Variants in TTC34 observed in about 807,000 individuals in gnomAD.
TTC34 encodes tetratricopeptide repeat domain 34, also known as tetratricopeptide repeat protein 34.
Under a neutral mutation model 40.7 loss-of-function variants are expected in TTC34, and 44 were observed. That is an observed-to-expected ratio of 1.08 (90% CI 0.85 to 1.39). The LOEUF (loss-of-function observed/expected upper bound fraction) is 1.39. TTC34 is among the 40% of genes most tolerant of loss of function. The probability of loss-of-function intolerance (pLI) is 0.00; values close to 1 mark genes in which losing one functional copy is unlikely to be tolerated. For missense variants in TTC34, 884 were observed against 838.0 expected, an observed-to-expected ratio of 1.05 and a Z score of -0.68; for synonymous variants, 422 against 398.6, an observed-to-expected ratio of 1.06 and a Z score of -0.70.
chr1:2,788,879 G>C (rs1283522840), intron 3 of TTC34, among the ~76,000 whole-genome samples: 1 of 152,178 alleles, frequency 6.6e-6, no homozygotes, highest in Non-Finnish European at 1.5e-5. Context: ...ATCACTTGAG[G>C]TCAGGAGTTC....
intron 3 of TTC34, 117 bp downstream of exon 3, chr1:2,789,386 G>A: frequency 1.9e-6 from 2 of 1,062,334 alleles, no homozygotes; most frequent in South Asian, 3.5e-5. Flanking sequence ...GCTTTGGGAA[G>A]TCACCAGCCA....
chr1:2,686,236 C>T (rs1312494214), intron 6 of TTC34, among the ~76,000 whole-genome samples: 1 of 148,906 alleles, frequency 6.7e-6, no homozygotes, highest in African/African-American at 2.6e-5. Context: ...GAGCAGTGCC[C>T]ACACCCCCAG....
At chr1:2,695,022 A>G (rs558501510) in intron 6 of TTC34, among the ~76,000 whole-genome samples, 1 of 152,064 alleles carries the variant, frequency 6.6e-6, no homozygotes, top group African/African-American at 2.4e-5. Flanking sequence ...AGCCTGGAAC[A>G]GCACCCTGCA....
At chr1:2,780,267 T>C (rs1643461005) in intron 6 of TTC34, among the ~76,000 whole-genome samples, 1 of 152,228 alleles carries the variant, frequency 6.6e-6, no homozygotes, top group Non-Finnish European at 1.5e-5. Flanking sequence ...TATAATAGTG[T>C]CCTTTGGTGC....
At chr1:2,637,184 AC>A (rs1638811500) in exon 9 of TTC34, 2 of 151,932 alleles carry the variant, frequency 1.3e-5, no homozygotes, top group Non-Finnish European at 2.9e-5. Context: ...CAAAGGTACC[AC>A]TCAAAGGTGG....
chr1:2,787,805 G>T, intron 3 of TTC34, 99 bp from the exon 4 acceptor site: 3 of 1,041,982 alleles, frequency 2.9e-6, no homozygotes, highest in Non-Finnish European at 4.1e-6. Context: ...CATGTACCTG[G>T]CCTGGGCAGC....
At chr1:2,690,276 G>C (rs201024562) in intron 6 of TTC34, among the ~76,000 whole-genome samples, 1 of 130,880 alleles carries the variant, frequency 7.6e-6, no homozygotes, top group Non-Finnish European at 1.6e-5. Flanking sequence ...GTGAGCATCC[G>C]ACAGCCTGGA....
chr1:2,773,218 C>T (rs1440054026), intron 6 of TTC34, among the ~76,000 whole-genome samples: 2 of 133,434 alleles, frequency 1.5e-5, no homozygotes, highest in African/African-American at 5.4e-5. Flanking sequence ...GCGCCCACAC[C>T]CCCGGGCGAG....
At chr1:2,685,231 A>T (rs1354063798) in intron 6 of TTC34, among the ~76,000 whole-genome samples, 2 of 47,918 alleles carry the variant, frequency 4.2e-5, no homozygotes, top group Non-Finnish European at 1.0e-4. Flanking sequence ...GTGGAGCAGC[A>T]CCCACACCCC....
At chr1:2,690,065 G>A (rs1345681698) in intron 6 of TTC34, among the ~76,000 whole-genome samples, 1 of 144,868 alleles carries the variant, frequency 6.9e-6, no homozygotes, top group Non-Finnish European at 1.5e-5. Flanking sequence ...ACACCGCCAG[G>A]CGAGCATCTG....
intron 5 of TTC34, among the ~76,000 whole-genome samples, chr1:2,785,144 A>G (rs1327900451): frequency 6.6e-6 from 1 of 152,204 alleles, no homozygotes; most frequent in Non-Finnish European, 1.5e-5. Context: ...TTGGGAGAGG[A>G]GGGTGAGGGG....
At chr1:2,686,080 C>A (rs1211919726) in intron 6 of TTC34, among the ~76,000 whole-genome samples, 4 of 126,040 alleles carry the variant, frequency 3.2e-5, no homozygotes, top group African/African-American at 6.4e-5. Context: ...AGCACCCACA[C>A]CCCCAGGCGA....
At chr1:2,674,992 C>T (rs1639845413) in intron 6 of TTC34, among the ~76,000 whole-genome samples, 2 of 135,748 alleles carry the variant, frequency 1.5e-5, no homozygotes, top group Admixed American at 1.5e-4. Context: ...CCTGGAGCAG[C>T]ACCCACACAC....
At chr1:2,695,676 C>G (rs1292099650) in intron 6 of TTC34, among the ~76,000 whole-genome samples, 4 of 66,644 alleles carry the variant, frequency 6.0e-5, no homozygotes, top group Admixed American at 3.0e-4. Context: ...GCACCCACAC[C>G]CCCAGGTGAG....
intron 6 of TTC34, among the ~76,000 whole-genome samples, chr1:2,656,364 C>A (rs1393352239): frequency 1.0e-5 from 1 of 99,182 alleles, no homozygotes. Context: ...CAGCCTGGAA[C>A]AGCACCCACA....
chr1:2,651,387 A>T (rs372155315), intron 6 of TTC34, among the ~76,000 whole-genome samples: 9 of 152,012 alleles, frequency 5.9e-5, no homozygotes, highest in Admixed American at 2.6e-4. Flanking sequence ...CTGGAGCAGC[A>T]TTCTCCAGCC....
chr1:2,790,126 G>C (rs544467957), exon 3 of TTC34: 1 of 398,128 alleles, frequency 2.5e-6, no homozygotes, highest in African/African-American at 2.1e-5. Context: ...GGTTCCGCAC[G>C]GCTTCCTGGA....
exon 9 of TTC34, chr1:2,641,232 G>A: frequency 1.0e-6 from 1 of 980,292 alleles, no homozygotes; most frequent in Admixed American, 3.3e-5. Context: ...GTGTGGGGAG[G>A]GCTGGGAAGG....
Position 2,645,509 on chromosome 1 carries a change from G to T in TTC34, c.2281C>A (p.Pro761Thr). ...TCCGGCTTCAGAGAGCGGAGCTCAG[G>T]GACCACAGTCCCGGGGCCGAGCTTC... The change falls in exon 7 of 9, where the codon CCT becomes ACT. Residue 761 changes from proline (P) to threonine (T), a missense_variant. Physicochemically the swap from Pro to Thr is conservative, Grantham distance 38. Coordinates refer to ENST00000401095, the Ensembl canonical transcript of TTC34. This position sits in a 1 kb window ranked among gnomAD's most constrained non-coding sequence, Gnocchi z 4.7. 2.3e-6 allele frequency: 3 copies of T among 1,324,554 alleles called. No individual in the cohort carries two copies. Among genetic ancestry groups the T allele is most frequent in the Non-Finnish European group, 3.0e-6 (3 of 1,016,286 alleles). The allele number at this position is 1,324,554 out of a possible 1,614,324, so 82.1% of individuals were successfully genotyped here.
Sources: allele counts gnomAD v4.1 joint callset (sites outside exome capture counted in the v4.1 genomes callset), GRCh38; gene constraint gnomAD v4.1.1; non-coding constraint Gnocchi (gnomAD v3.1); transcripts MANE v1.5; gene names NCBI Gene and HGNC (gene_info 2026-07-23, HGNC 2026-07-21).